ASIC2: variants seen among roughly 807,000 people sequenced by gnomAD.
The protein encoded by ASIC2 is acid-sensing ion channel 2.
In ASIC2, 25 loss-of-function variants were observed where a neutral mutation model predicts 57.3. That is an observed-to-expected ratio of 0.44 (90% CI 0.32 to 0.61). ASIC2 has a LOEUF of 0.61. Ranked by LOEUF, ASIC2 falls within the 20% of genes least tolerant of loss-of-function variation. The pLI is 0.06. For missense variants in ASIC2, 641 were observed against 738.1 expected (o/e 0.87, Z 1.52); for synonymous variants, 319 against 307.5 (o/e 1.04, Z -0.39).
chr17:34,065,810 A>G (rs1212764760), intron 1 of ASIC2, among the ~76,000 whole-genome samples: 2 of 152,198 alleles, frequency 1.3e-5, no homozygotes, highest in Non-Finnish European at 2.9e-5. Context: ...ATCAAAAGGG[A>G]GAATTATAAA....
intron 1 of ASIC2, among the ~76,000 whole-genome samples, chr17:33,594,985 C>T (rs1239514611): frequency 6.6e-6 from 1 of 151,962 alleles, no homozygotes; most frequent in African/African-American, 2.4e-5. Flanking sequence ...CTTTGGGAGG[C>T]CCAGGTGGGA....
intron 1 of ASIC2, among the ~76,000 whole-genome samples, chr17:33,509,657 C>T (rs552965733): frequency 1.3e-5 from 2 of 152,306 alleles, no homozygotes; most frequent in South Asian, 2.1e-4. Flanking sequence ...AGTCAGGCCC[C>T]GCAGAGAGAA....
intron 1 of ASIC2, among the ~76,000 whole-genome samples, chr17:33,600,974 G>A (rs899208094): frequency 1.6e-4 from 24 of 152,302 alleles, no homozygotes; most frequent in African/African-American, 5.5e-4. Flanking sequence ...GCAGAACTTA[G>A]GAGTGATGAA....
chr17:33,349,810 C>T lies in ASIC2; in HGVS notation c.556-237743G>A, dbSNP rs141478769. Among the ~76,000 whole-genome samples the T allele has an allele frequency of 9.0e-3, 1,365 of 152,252 alleles. 16 individuals are homozygous for T. The highest frequency in any genetic ancestry group is 0.014 in the Admixed American group (216 of 15,290). On this transcript the variant is annotated intron_variant, in intron 1 of 9. Transcript: ENST00000359872. The stretch of plus-strand genomic sequence containing the variant: ...TAAAATATTTTGAAGAAAACACATT[C>T]CTGGTTTCCCATTAGCATTTATTCC...
chr17:33,379,489 CT>C (rs1454957623), intron 1 of ASIC2, among the ~76,000 whole-genome samples: 1 of 152,170 alleles, frequency 6.6e-6, no homozygotes, highest in East Asian at 1.9e-4. Flanking sequence ...CTCCTGGGAC[CT>C]TTTAAGGGGG....
intron 1 of ASIC2, among the ~76,000 whole-genome samples, chr17:33,360,998 C>T (rs1199874942): frequency 6.6e-6 from 1 of 152,166 alleles, no homozygotes; most frequent in Non-Finnish European, 1.5e-5. Flanking sequence ...GACCACTTTA[C>T]AGAGCTTGGA....
intron 1 of ASIC2, among the ~76,000 whole-genome samples, chr17:33,759,762 G>T (rs887487960): frequency 2.0e-5 from 3 of 152,176 alleles, no homozygotes; most frequent in Non-Finnish European, 4.4e-5. Context: ...CCCAGGTGTG[G>T]CTTGTGCTGC....
chr17:33,108,907 G>T (rs200544748), intron 2 of ASIC2, among the ~76,000 whole-genome samples: 1 of 139,462 alleles, frequency 7.2e-6, no homozygotes, highest in Non-Finnish European at 1.6e-5. Context: ...GGCTGCAAAA[G>T]CCAAAATCCA....
At chr17:33,390,434 T>C (rs1015837018) in intron 1 of ASIC2, among the ~76,000 whole-genome samples, 44 of 152,326 alleles carry the variant, frequency 2.9e-4, no homozygotes, top group Middle Eastern at 6.8e-3. Context: ...AGTAATTATA[T>C]ATTGCTATGC....
chr17:33,026,037 AAC>A, intron 4 of ASIC2, 55 bp from the exon 5 acceptor site: 1 of 1,590,222 alleles, frequency 6.3e-7, no homozygotes, highest in Non-Finnish European at 8.6e-7. Context: ...TCATGTCAGC[AAC>A]ACCTCCTCTG....
chr17:33,920,780 G>C (rs1915694637), intron 1 of ASIC2, among the ~76,000 whole-genome samples: 1 of 152,104 alleles, frequency 6.6e-6, no homozygotes, highest in Non-Finnish European at 1.5e-5. Context: ...GAGGCGTTGT[G>C]GTCGCCCTGA....
At chr17:33,494,731 C>T (rs1336911681) in intron 1 of ASIC2, among the ~76,000 whole-genome samples, 1 of 152,196 alleles carries the variant, frequency 6.6e-6, no homozygotes, top group African/African-American at 2.4e-5. Context: ...GCAGGTAGCC[C>T]ACACTGCCCA....
At chr17:33,379,592 C>T (rs1261317808) in intron 1 of ASIC2, among the ~76,000 whole-genome samples, 2 of 152,164 alleles carry the variant, frequency 1.3e-5, no homozygotes, top group Non-Finnish European at 2.9e-5. Flanking sequence ...CCTCTCGCAC[C>T]TTGTGCTGAT....
chr17:34,050,721 A>C (rs1908526344), intron 1 of ASIC2, among the ~76,000 whole-genome samples: 1 of 152,234 alleles, frequency 6.6e-6, no homozygotes, highest in Admixed American at 6.5e-5. Flanking sequence ...ACATAGGAGC[A>C]TGTGTAAGTT....
At chr17:33,016,154 T>G in intron 8 of ASIC2, 115 bp from the exon 9 acceptor site, 1 of 947,650 alleles carries the variant, frequency 1.1e-6, no homozygotes, top group Non-Finnish European at 1.6e-6. Context: ...TGGCTGAACA[T>G]ACCGTAGCAC....
intron 1 of ASIC2, among the ~76,000 whole-genome samples, chr17:33,740,134 A>T (rs572980746): frequency 6.6e-6 from 1 of 152,346 alleles, no homozygotes; most frequent in South Asian, 2.1e-4. Context: ...ATATGCCTTG[A>T]AGAATGAACT....
intron 1 of ASIC2, among the ~76,000 whole-genome samples, chr17:33,831,033 C>T (rs1404452458): frequency 8.0e-6 from 1 of 124,612 alleles, no homozygotes; most frequent in African/African-American, 3.0e-5. Flanking sequence ...TCACTTAGAC[C>T]GGGAGGTGGA....
intron 1 of ASIC2, among the ~76,000 whole-genome samples, chr17:33,652,132 T>C (rs778389850): frequency 6.6e-6 from 1 of 152,170 alleles, no homozygotes; most frequent in Non-Finnish European, 1.5e-5. Flanking sequence ...AAATAAGATA[T>C]TGGGGCTGAT....
At chr17:33,151,721 T>C (rs540245287) in intron 1 of ASIC2, among the ~76,000 whole-genome samples, 64 of 152,324 alleles carry the variant, frequency 4.2e-4, no homozygotes, top group African/African-American at 1.3e-3. Context: ...GTGTGCTCTC[T>C]TGCCTGTCCT....
Sources: gnomAD v4.1 joint callset for allele counts (sites outside exome capture counted in the v4.1 genomes callset) on GRCh38, gnomAD v4.1.1 for gene constraint, MANE v1.5 for transcripts, NCBI Gene and HGNC (gene_info 2026-07-23, HGNC 2026-07-21) for gene names.